The following NUFIP1 variants were observed in gnomAD, a reference collection of about 807,000 sequenced individuals.
NUFIP1 encodes the protein FMR1-interacting protein NUFIP1.
In NUFIP1, 38 loss-of-function variants were observed where a neutral mutation model predicts 56.2. The ratio of observed to expected loss-of-function variants is 0.68; its 90% CI spans 0.52 to 0.89. The LOEUF is 0.89. Among genes scored for constraint, NUFIP1 ranks in the 40% least tolerant of loss-of-function variants. The pLI is 0.00. For missense variants in NUFIP1, 567 were observed against 605.8 expected, an observed-to-expected ratio of 0.94 and a Z score of 0.67; for synonymous variants, 215 against 212.4, an observed-to-expected ratio of 1.01 and a Z score of -0.10.
intron 6 of NUFIP1, among the ~76,000 whole-genome samples, chr13:44,960,949 A>C (rs993783674): frequency 6.7e-6 from 1 of 150,086 alleles, no homozygotes; most frequent in Admixed American, 6.7e-5. Context: ...GCTCCTCGGG[A>C]GGCTGAAGCA....
At chr13:44,956,573 T>C (rs901529709) in intron 7 of NUFIP1, among the ~76,000 whole-genome samples, 3 of 152,190 alleles carry the variant, frequency 2.0e-5, no homozygotes, top group East Asian at 1.9e-4. Flanking sequence ...GACAGTCCCA[T>C]CTTGGGATGA....
At chr13:44,959,763 T>C (rs1488553863) in intron 6 of NUFIP1, among the ~76,000 whole-genome samples, 189 bp from the exon 7 acceptor site, 7 of 152,086 alleles carry the variant, frequency 4.6e-5, no homozygotes, top group Non-Finnish European at 1.0e-4. Flanking sequence ...GATAGAACTT[T>C]AGAAGGACAG....
chr13:44,961,069 A>AG (rs1566059567), intron 6 of NUFIP1, among the ~76,000 whole-genome samples: 1 of 151,888 alleles, frequency 6.6e-6, no homozygotes, highest in Non-Finnish European at 1.5e-5. Flanking sequence ...AAAAAAAAAA[A>AG]AAAGAAAGCA....
intron 8 of NUFIP1, among the ~76,000 whole-genome samples, chr13:44,945,773 C>T (rs1870884520): frequency 6.6e-6 from 1 of 152,006 alleles, no homozygotes; most frequent in Admixed American, 6.5e-5. Context: ...TCTCCCCACT[C>T]CCCAATAGTT....
intron 5 of NUFIP1, among the ~76,000 whole-genome samples, chr13:44,966,265 T>C (rs1053588361): frequency 6.6e-6 from 1 of 152,120 alleles, no homozygotes; most frequent in Non-Finnish European, 1.5e-5. Context: ...GTAAAAAAAA[T>C]TTTTAAGTCT....
intron 8 of NUFIP1, 147 bp from the exon 9 acceptor site, chr13:44,943,821 G>A: frequency 4.5e-6 from 3 of 669,678 alleles, no homozygotes; most frequent in Non-Finnish European, 7.4e-6. Flanking sequence ...ATTTTTGCAA[G>A]GCATTTATAA....
At chr13:44,943,279 T>C (rs1223010390) in intron 9 of NUFIP1, among the ~76,000 whole-genome samples, 163 bp downstream of exon 9, 1 of 152,158 alleles carries the variant, frequency 6.6e-6, no homozygotes, top group Non-Finnish European at 1.5e-5. Context: ...ATACCAGCTA[T>C]ATGCCAAATG....
chr13:44,951,775 T>C (rs771127301), intron 7 of NUFIP1, among the ~76,000 whole-genome samples: 18 of 152,244 alleles, frequency 1.2e-4, no homozygotes, highest in Admixed American at 6.5e-4. Flanking sequence ...CTGTAGCATA[T>C]GAAGTGTGCA....
At chr13:44,963,448 C>T (rs986143889) in intron 6 of NUFIP1, among the ~76,000 whole-genome samples, 4 of 152,170 alleles carry the variant, frequency 2.6e-5, no homozygotes, top group Non-Finnish European at 4.4e-5. Flanking sequence ...CCTTATCTTG[C>T]TTCTAATCTT....
intron 1 of NUFIP1, among the ~76,000 whole-genome samples, chr13:44,982,502 A>C (rs1341100168): frequency 6.6e-6 from 1 of 152,206 alleles, no homozygotes; most frequent in East Asian, 1.9e-4. Context: ...ATTTCGCACC[A>C]GGAAAACAGA....
intron 1 of NUFIP1, among the ~76,000 whole-genome samples, chr13:44,985,361 A>G (rs1872345396): frequency 6.6e-6 from 1 of 152,084 alleles, no homozygotes; most frequent in Non-Finnish European, 1.5e-5. Context: ...TCTCCTCTTT[A>G]TCTTGCATCC....
At chr13:44,965,256 T>A (rs895058918) in intron 6 of NUFIP1, among the ~76,000 whole-genome samples, 3 of 152,202 alleles carry the variant, frequency 2.0e-5, no homozygotes, top group African/African-American at 7.2e-5. Context: ...CTTCCACAAT[T>A]GTGAGGCTTC....
intron 1 of NUFIP1, among the ~76,000 whole-genome samples, 199 bp from the exon 2 acceptor site, chr13:44,982,353 C>T (rs1329652944): frequency 6.6e-6 from 1 of 152,088 alleles, no homozygotes; most frequent in Non-Finnish European, 1.5e-5. Flanking sequence ...CAAAGAAAGA[C>T]TGGTGTGATT....
rs1871583497 is a variant in NUFIP1, at chr13:44,965,921, C to T, written c.750G>A (p.Leu250=). Residue 250 remains leucine (L), a synonymous_variant, in exon 6 of 10, where the codon CTG becomes CTA. Coordinates refer to ENST00000379161, the MANE Select transcript of NUFIP1 (RefSeq NM_012345.3). ...ACTTCTTCTTCCTTTCAATATTGGCCAGAGTTGGATAGTTTCTAGAAAATA... is the reference window on the plus strand; with the variant it reads ...ACTTCTTCTTCCTTTCAATATTGGCTAGAGTTGGATAGTTTCTAGAAAATA... ...REERRKNYPT[L]ANIERKKKLK... The T allele has an allele frequency of 6.3e-7, 1 of 1,584,514 alleles. No homozygotes were observed. The highest frequency in any genetic ancestry group is 8.6e-7 in the Non-Finnish European group (1 of 1,165,278).
intron 6 of NUFIP1, among the ~76,000 whole-genome samples, chr13:44,960,459 G>C (rs940562123): frequency 2.0e-4 from 31 of 151,704 alleles, no homozygotes; most frequent in Admixed American, 1.1e-3. Flanking sequence ...TAGAGACAAG[G>C]TTTCACCATG....
At chr13:44,942,608 C>T (rs1446443884) in intron 9 of NUFIP1, among the ~76,000 whole-genome samples, 1 of 152,126 alleles carries the variant, frequency 6.6e-6, no homozygotes, top group African/African-American at 2.4e-5. Context: ...AGTTTTATAA[C>T]TCCACTAAAA....
intron 1 of NUFIP1, among the ~76,000 whole-genome samples, chr13:44,984,125 C>T (rs1313984005): frequency 6.6e-6 from 1 of 152,158 alleles, no homozygotes; most frequent in Non-Finnish European, 1.5e-5. Flanking sequence ...CAGAACTTGC[C>T]TTGTACTGAC....
At chr13:44,985,677 T>C (rs912715948) in intron 1 of NUFIP1, among the ~76,000 whole-genome samples, 1 of 152,216 alleles carries the variant, frequency 6.6e-6, no homozygotes, top group South Asian at 2.1e-4. Flanking sequence ...CGTGGCCATA[T>C]AAGATGGTGA....
chr13:44,981,577 G>A (rs940871811), intron 2 of NUFIP1, among the ~76,000 whole-genome samples: 23 of 152,236 alleles, frequency 1.5e-4, no homozygotes, highest in Middle Eastern at 3.4e-3. Context: ...TTGGGAGGCG[G>A]AGGTGGGCGG....
Sources: gnomAD v4.1 joint callset for allele counts (sites outside exome capture counted in the v4.1 genomes callset) on GRCh38, gnomAD v4.1.1 for gene constraint, MANE v1.5 for transcripts, NCBI Gene and HGNC (gene_info 2026-07-23, HGNC 2026-07-21) for gene names.